Variants in CSRP3 observed in about 807,000 individuals in gnomAD.
The protein encoded by CSRP3 is cysteine and glycine-rich protein 3.
In CSRP3, 24 loss-of-function variants were observed where a neutral mutation model predicts 24.3. The ratio of observed to expected loss-of-function variants is 0.99; its 90% CI spans 0.71 to 1.39. CSRP3 has a LOEUF of 1.39. CSRP3 is among the 40% of genes most tolerant of loss of function. CSRP3 has a pLI of 0.00. For synonymous variants in CSRP3, 105 were observed against 94.0 expected (o/e 1.12, Z -0.68); for missense variants, 240 against 249.0 (o/e 0.96, Z 0.24).
chr11:19,198,473 A>C (rs1361349589), intron 1 of CSRP3, among the ~76,000 whole-genome samples: 1 of 152,224 alleles, frequency 6.6e-6, no homozygotes, highest in Non-Finnish European at 1.5e-5. Flanking sequence ...TCAACATGGA[A>C]AGGGCTTCCT....
At chr11:19,189,712 ACTT>A (rs1433572352) in intron 2 of CSRP3, among the ~76,000 whole-genome samples, 1 of 152,182 alleles carries the variant, frequency 6.6e-6, no homozygotes, top group Non-Finnish European at 1.5e-5. Flanking sequence ...TTATTCTGGG[ACTT>A]TATTTGACTA....
chr11:19,184,947 C>G lies in CSRP3; in HGVS notation c.508+5G>C. 6.2e-7 allele frequency: 1 copy of G among 1,603,444 alleles called. No homozygotes were observed. The highest frequency in any genetic ancestry group is 8.5e-7 in the Non-Finnish European group (1 of 1,170,076). On this transcript the variant is annotated splice_donor_5th_base_variant and intron_variant, in intron 5 of 5. Coordinates refer to ENST00000265968, the MANE Select transcript of CSRP3 (RefSeq NM_003476.5). ...TATTTCAAGAAAGTCTCCAGAATCA[C>G]TCACCTTTGCAATAAAGTTCCCCAT...
chr11:19,190,144 A>C (rs1850591658), intron 2 of CSRP3, among the ~76,000 whole-genome samples: 1 of 152,260 alleles, frequency 6.6e-6, no homozygotes, highest in African/African-American at 2.4e-5. Flanking sequence ...GTTGTTCACA[A>C]TTATACAATA....
Position 19,182,486 on chromosome 11 carries a change from A to C in CSRP3, c.*184T>G. ...ATAATAAAGCATTTGTTATAGATTA[A>C]ACTTTACATAATTTTCTTCCAAAGG... On this transcript the variant is annotated 3_prime_UTR_variant, in exon 6 of 6. Transcript: ENST00000265968. 1.5e-6 allele frequency: 1 copy of C among 647,518 alleles called. No homozygotes were observed. The highest frequency in any genetic ancestry group is 2.8e-6 in the Non-Finnish European group (1 of 358,262). The allele number at this position is 647,518 out of a possible 1,614,324, so 40.1% of individuals were successfully genotyped here.
intron 5 of CSRP3, 147 bp from the exon 6 acceptor site, chr11:19,182,893 A>G (rs987223148): frequency 2.8e-6 from 2 of 705,824 alleles, no homozygotes; most frequent in South Asian, 3.0e-5. Flanking sequence ...ACGGTGGCTC[A>G]TGCCTGTAAT....
At position 19,184,952 on chromosome 11, in the gene CSRP3, C is replaced by G. The variant is rs757433657; in HGVS notation, c.508G>C (p.Val170Leu). ...CAAGAAAGTCTCCAGAATCACTCAC[C>G]TTTGCAATAAAGTTCCCCATCTTTG... is the stretch of plus-strand genomic sequence containing the variant. Reference protein sequence around the residue: ...TDKDGELYCKVCYAKNFGPTG... With the variant: ...TDKDGELYCKLCYAKNFGPTG... Residue 170 changes from valine (V) to leucine (L), a missense_variant and splice_region_variant, in exon 5 of 6, where the codon GTT becomes CTT. Coordinates refer to ENST00000265968, the MANE Select transcript of CSRP3 (RefSeq NM_003476.5). 8.1e-6 allele frequency: 13 copies of G among 1,607,776 alleles called. 1 individual carries two copies. In the South Asian group the frequency reaches 1.1e-4, roughly 14 times the overall value.
Position 19,192,384 on chromosome 11 carries a change from TC to T in CSRP3, c.64del (p.Glu22LysfsTer186). 6.2e-7 allele frequency: 1 copy of T among 1,614,234 alleles called. No individual in the cohort carries two copies. The highest frequency in any genetic ancestry group is 8.5e-7 in the Non-Finnish European group (1 of 1,180,038). ...GAAACTCCTTCCATTGCACTGGATT[TC>T]TTCTGCATGGTAGACGGTCTTTTCA... is the stretch of plus-strand genomic sequence containing the variant. The part of the protein sequence containing the change: ...ACEKTVYHAE[E>X]IQCNGRSFHK... On this transcript the variant is annotated frameshift_variant, in exon 2 of 6. Transcript: ENST00000265968. LOFTEE classifies it high-confidence loss of function.
At chr11:19,200,926 C>T (rs1280081436) in intron 1 of CSRP3, among the ~76,000 whole-genome samples, 2 of 152,194 alleles carry the variant, frequency 1.3e-5, no homozygotes, top group African/African-American at 4.8e-5. Context: ...ATGGTCCATA[C>T]ATGCTTATTA....
chr11:19,192,449 C>G lies in CSRP3; in HGVS notation c.-1G>C, dbSNP rs1850632431. On this transcript the variant is annotated 5_prime_UTR_variant, in exon 2 of 6. Transcript: ENST00000265968. The stretch of plus-strand genomic sequence containing the variant: ...TTGCGCCTCCGCCCCAGTTTGGCAT[C>G]TTGAAGACTATCTGGTCAAGGTCAA... 1 of 1,612,926 alleles carries G rather than the reference C, an allele frequency of 6.2e-7. No homozygotes were observed. Among genetic ancestry groups the G allele is most frequent in the Non-Finnish European group, 8.5e-7 (1 of 1,179,004 alleles).
intron 1 of CSRP3, among the ~76,000 whole-genome samples, chr11:19,199,678 C>G (rs904792741): frequency 5.9e-5 from 9 of 152,170 alleles, no homozygotes; most frequent in Non-Finnish European, 5.9e-5. Context: ...CTTAAATAAG[C>G]TAGTACTCGT....
chr11:19,184,288 G>A (rs530874700), intron 5 of CSRP3, among the ~76,000 whole-genome samples: 128 of 152,268 alleles, frequency 8.4e-4, no homozygotes, highest in African/African-American at 2.8e-3. Flanking sequence ...GGTGGAGGAC[G>A]CATTGCCTTG....
intron 1 of CSRP3, among the ~76,000 whole-genome samples, chr11:19,197,540 T>TTTCTTTCA (rs1565055609): frequency 1.4e-5 from 2 of 138,000 alleles, no homozygotes; most frequent in African/African-American, 5.7e-5. Context: ...TCTTTCTTTC[T>TTTCTTTCA]TTCTTTCTTT....
chr11:19,184,643 G>C (rs931024081), intron 5 of CSRP3, among the ~76,000 whole-genome samples: 16 of 152,190 alleles, frequency 1.1e-4, no homozygotes, highest in African/African-American at 3.9e-4. Context: ...CCTCTTCCAA[G>C]ACCAGAGGCA....
intron 2 of CSRP3, among the ~76,000 whole-genome samples, chr11:19,191,858 C>T (rs1209117106): frequency 1.3e-5 from 2 of 150,012 alleles, no homozygotes; most frequent in Admixed American, 6.6e-5. Context: ...CTCTTACATA[C>T]AGAGTTGGCA....
intron 5 of CSRP3, among the ~76,000 whole-genome samples, chr11:19,183,813 A>G (rs944140098): frequency 6.6e-6 from 1 of 152,010 alleles, no homozygotes; most frequent in Non-Finnish European, 1.5e-5. Flanking sequence ...CCTAAATCTC[A>G]TCTTGATTAG....
intron 4 of CSRP3, 113 bp downstream of exon 4, chr11:19,186,103 C>G: frequency 7.1e-7 from 1 of 1,403,212 alleles, no homozygotes; most frequent in South Asian, 1.2e-5. Context: ...TAAAGTTGTT[C>G]TGGGAGCTAG....
Position 19,182,209 on chromosome 11 carries a change from T to A in CSRP3, c.*461A>T, listed in dbSNP as rs1850445819. The A allele has an allele frequency of 6.1e-6, 1 of 162,704 alleles. No homozygotes were observed. Among genetic ancestry groups the A allele is most frequent in the African/African-American group, 2.4e-5 (1 of 41,584 alleles). 10.1% of individuals were successfully genotyped at this position (162,704 alleles called of 1,614,324 possible). ...TCTCTATTTTCTCCCAGACCCCCTG[T>A]TTTCTTCTCCATTAGCAGTAACTAG... On this transcript the variant is annotated 3_prime_UTR_variant, in exon 6 of 6. Coordinates refer to ENST00000265968, the MANE Select transcript of CSRP3 (RefSeq NM_003476.5).
At chr11:19,199,760 G>A (rs1850805158) in intron 1 of CSRP3, among the ~76,000 whole-genome samples, 1 of 152,154 alleles carries the variant, frequency 6.6e-6, no homozygotes, top group South Asian at 2.1e-4. Flanking sequence ...GCTCAGAAAA[G>A]GCTCCATCCT....
At chr11:19,197,501 C>CTCTTTCTTTCTTTCTTTCTTTCTTTCTT (rs747850845) in intron 1 of CSRP3, among the ~76,000 whole-genome samples, 65 of 67,126 alleles carry the variant, frequency 9.7e-4, no homozygotes, top group East Asian at 2.3e-3. Context: ...CCCTCTTTTC[C>CTCTTTCTTTCTTTCTTTCTTTCTTTCTT]TCTTTCTTTC....
Sources: gnomAD v4.1 joint callset for allele counts (sites outside exome capture counted in the v4.1 genomes callset) on GRCh38, gnomAD v4.1.1 for gene constraint, MANE v1.5 for transcripts, NCBI Gene and HGNC (gene_info 2026-07-23, HGNC 2026-07-21) for gene names.